The following NAV2 variants were observed in gnomAD, a reference collection of about 807,000 sequenced individuals.
The protein encoded by NAV2 is neuron navigator 2.
A neutral mutation model predicts 223.2 loss-of-function variants in NAV2; 54 were observed. The ratio of observed to expected loss-of-function variants is 0.24; its 90% confidence interval spans 0.19 to 0.30. The LOEUF is 0.30. NAV2 is among the 10% of genes least tolerant of loss of function. NAV2 has a pLI of 1.00. For missense variants in NAV2, 2,806 were observed against 3,147.5 expected (o/e 0.89, Z 2.60); for synonymous variants, 1,279 against 1,239.3 (o/e 1.03, Z -0.67).
chr11:19,571,684 C>A (rs1374813241), intron 1 of NAV2, among the ~76,000 whole-genome samples: 1 of 149,234 alleles, frequency 6.7e-6, no homozygotes, highest in East Asian at 2.0e-4. Context: ...CCAGCCTGGG[C>A]AACAAGAGCG....
chr11:19,516,689 GCAGA>G (rs1208668354), intron 1 of NAV2, among the ~76,000 whole-genome samples: 4 of 152,196 alleles, frequency 2.6e-5, no homozygotes, highest in Non-Finnish European at 5.9e-5. Flanking sequence ...AACAATCTCT[GCAGA>G]CAGAGAGTAG....
rs183675966 is a variant in NAV2 at position 19,693,282 on chromosome 11, T to C, written c.76-139202T>C. ...GTTTCGAGTGAGATAGCCGATGGCT[T>C]GTTTGTAACATAGACTTTTCCCATT... On this transcript the variant is annotated intron_variant, in intron 1 of 37. Coordinates refer to the NAV2 transcript ENST00000360655. Among the ~76,000 whole-genome samples the C allele has an allele frequency of 1.7e-3, 255 of 152,328 alleles. 1 individual carries two copies. The highest frequency in any genetic ancestry group is 5.9e-3 in the African/African-American group (247 of 41,574).
At chr11:19,816,766 C>G (rs1334678022) in intron 1 of NAV2, among the ~76,000 whole-genome samples, 2 of 152,158 alleles carry the variant, frequency 1.3e-5, no homozygotes, top group African/African-American at 4.8e-5. Context: ...GCTTTATGGT[C>G]CATTGTTTGT....
rs887996927 is a variant in NAV2 at position 19,631,080 on chromosome 11, A to G, written c.76-201404A>G. ...CTGAATTGCCCCTTTCATTTTATCC[A>G]TGGCCCTTTCTTTTTTTTTTTTCTT... On this transcript the variant is annotated intron_variant, in intron 1 of 37. Coordinates refer to the NAV2 transcript ENST00000360655. Among the ~76,000 whole-genome samples, 4 of 149,662 alleles carry G rather than the reference A, an allele frequency of 2.7e-5. No homozygotes were observed. In the East Asian group the frequency reaches 7.8e-4, roughly 29 times the overall value.
At chr11:19,415,953 A>G (rs1850349262) in intron 1 of NAV2, among the ~76,000 whole-genome samples, 1 of 152,114 alleles carries the variant, frequency 6.6e-6, no homozygotes, top group African/African-American at 2.4e-5. Context: ...CTCAAAATCA[A>G]AAGAGCTATT....
intron 1 of NAV2, among the ~76,000 whole-genome samples, chr11:19,421,755 A>G (rs1050361595): frequency 3.6e-5 from 5 of 138,100 alleles, no homozygotes; most frequent in African/African-American, 1.3e-4. Flanking sequence ...AAGTGCCTTA[A>G]GAGAGAGGCT....
intron 1 of NAV2, among the ~76,000 whole-genome samples, chr11:19,638,819 C>A (rs2047576110): frequency 6.6e-6 from 1 of 151,998 alleles, no homozygotes; most frequent in African/African-American, 2.4e-5. Flanking sequence ...ACGGTGAAAC[C>A]CCGTGTCTAC....
chr11:20,024,167 G>A (rs1445041029), intron 11 of NAV2, among the ~76,000 whole-genome samples: 4 of 152,152 alleles, frequency 2.6e-5, no homozygotes, highest in East Asian at 1.9e-4. Context: ...AGGACTCACC[G>A]AAATACACAG....
At chr11:19,912,616 A>C (rs916698171) in intron 6 of NAV2, among the ~76,000 whole-genome samples, 2 of 152,148 alleles carry the variant, frequency 1.3e-5, no homozygotes, top group African/African-American at 4.8e-5. Flanking sequence ...ACCGTCCTTT[A>C]GTGTAACTGG....
intron 1 of NAV2, among the ~76,000 whole-genome samples, chr11:19,496,422 C>T (rs2042795902): frequency 6.6e-6 from 1 of 152,204 alleles, no homozygotes; most frequent in South Asian, 2.1e-4. Flanking sequence ...GCTGGAGGAC[C>T]TGTTTCTGAG....
At chr11:19,549,628 C>T (rs1218468124) in intron 1 of NAV2, among the ~76,000 whole-genome samples, 2 of 152,222 alleles carry the variant, frequency 1.3e-5, no homozygotes, top group South Asian at 2.1e-4. Flanking sequence ...CAAAAGGACC[C>T]CAGCTCAGAA....
intron 1 of NAV2, among the ~76,000 whole-genome samples, chr11:19,535,442 C>G (rs1001191968): frequency 6.6e-6 from 1 of 152,134 alleles, no homozygotes; most frequent in African/African-American, 2.4e-5. Flanking sequence ...GCCTTTGCAC[C>G]TGGGAAGATG....
At chr11:19,643,397 G>C (rs2047721797) in intron 1 of NAV2, among the ~76,000 whole-genome samples, 1 of 143,408 alleles carries the variant, frequency 7.0e-6, no homozygotes, top group Non-Finnish European at 1.5e-5. Flanking sequence ...TCCCACCTAT[G>C]AGTGAGAACA....
chr11:19,409,438 G>A (rs529136959), intron 1 of NAV2, among the ~76,000 whole-genome samples: 6 of 152,296 alleles, frequency 3.9e-5, no homozygotes, highest in Non-Finnish European at 7.4e-5. Context: ...GGTGGTGGGT[G>A]GAGTCCTGAA....
At chr11:19,731,508 CAACTATAATTCAGTG>C (rs1187243346) in intron 1 of NAV2, among the ~76,000 whole-genome samples, 1 of 152,218 alleles carries the variant, frequency 6.6e-6, no homozygotes, top group Admixed American at 6.5e-5. Context: ...AACAAAAGAG[CAACTATAATTCAGTG>C]AACCATAAAC....
intron 1 of NAV2, among the ~76,000 whole-genome samples, chr11:19,811,011 A>AT (rs2058809248): frequency 6.6e-6 from 1 of 152,200 alleles, no homozygotes. Flanking sequence ...GAAAGGGTGC[A>AT]TTGTAGGTAT....
chr11:19,818,505 ATAAT>A (rs1448889883), intron 1 of NAV2, among the ~76,000 whole-genome samples: 4 of 152,162 alleles, frequency 2.6e-5, no homozygotes, highest in African/African-American at 9.7e-5. Context: ...ATACAGTAAA[ATAAT>A]TAGAAAGTGA....
intron 10 of NAV2, among the ~76,000 whole-genome samples, chr11:19,970,752 A>G (rs942075672): frequency 3.3e-5 from 5 of 152,356 alleles, no homozygotes; most frequent in Non-Finnish European, 5.9e-5. Context: ...ACACAAATAC[A>G]TTTAAATGAA....
chr11:19,536,960 C>T (rs2044207889), intron 1 of NAV2, among the ~76,000 whole-genome samples: 1 of 152,196 alleles, frequency 6.6e-6, no homozygotes, highest in African/African-American at 2.4e-5. Context: ...TGGTTATTTA[C>T]TGAAGAGCAG....
Sources: allele counts gnomAD v4.1 joint callset (sites outside exome capture counted in the v4.1 genomes callset), GRCh38; gene constraint gnomAD v4.1.1; transcripts MANE v1.5; gene names NCBI Gene and HGNC (gene_info 2026-07-23, HGNC 2026-07-21).